FBRSL1: variants seen among roughly 807,000 people sequenced by gnomAD.
FBRSL1 encodes the protein fibrosin like 1, also known as fibrosin-1-like protein.
Under a neutral mutation model 89.6 loss-of-function variants are expected in FBRSL1, and 51 were observed. That is an observed-to-expected ratio of 0.57 (90% CI 0.45 to 0.72). The LOEUF (loss-of-function observed/expected upper bound fraction) is 0.72, where lower values mean the gene tolerates loss of function less well. FBRSL1 is among the 30% of genes least tolerant of loss of function. The pLI, the probability that FBRSL1 is intolerant of heterozygous loss-of-function variation, is 0.00. For missense variants in FBRSL1, 1,618 were observed against 1,451.8 expected (o/e 1.11, Z -1.86); for synonymous variants, 779 against 681.1 (o/e 1.14, Z -2.24).
At chr12:132,579,034 A>T (rs369438548) in intron 15 of FBRSL1, among the ~76,000 whole-genome samples, 2 of 147,370 alleles carry the variant, frequency 1.4e-5, no homozygotes, top group African/African-American at 5.0e-5. Context: ...CGCCCCACCG[A>T]CCCTGCTCCT....
In FBRSL1 at chr12:132,570,431, G is replaced by C; in HGVS notation, c.1104G>C (p.Arg368=). The change falls in exon 8 of 19, where the codon CGG becomes CGC. Residue 368 remains arginine (R), a synonymous_variant. Coordinates refer to ENST00000680143, the MANE Select transcript of FBRSL1 (RefSeq NM_001367871.1). ...TGTCTACCTCACACCTGGCGCTCCG[G>C]TCCCAGGCGCAGCACCAGCTCCACG... ...PHLSTSHLAL[R]SQAQHQLHAA... 6.5e-7 allele frequency: 1 copy of C among 1,534,866 alleles called. No homozygotes were observed. The highest frequency in any genetic ancestry group is 8.7e-7 in the Non-Finnish European group (1 of 1,145,772).
intron 9 of FBRSL1, 43 bp from the exon 10 acceptor site, chr12:132,572,245 T>C (rs890123184): frequency 1.3e-6 from 2 of 1,534,244 alleles, no homozygotes; most frequent in East Asian, 4.9e-5. Flanking sequence ...CCAGCAACGG[T>C]GTCGTGTGTG....
Position 132,542,246 on chromosome 12 carries a change from C to T in FBRSL1, c.616-5757C>T, listed in dbSNP as rs144625832. On this transcript the variant is annotated intron_variant, in intron 4 of 18. Transcript: ENST00000680143. ...ATCCCCGGGCACCTGGGTGGGCACG[C>T]GAGGCTCAACAGGGCCCCACGGAGG... Among the ~76,000 whole-genome samples, 59 of 152,274 alleles carry T rather than the reference C, an allele frequency of 3.9e-4. No homozygotes were observed. In the East Asian group the frequency reaches 5.4e-3, roughly 14 times the overall value.
intron 14 of FBRSL1, 122 bp downstream of exon 14, chr12:132,574,686 G>A (rs367846633): frequency 2.6e-5 from 32 of 1,247,280 alleles, no homozygotes; most frequent in South Asian, 7.7e-5. Flanking sequence ...ATCCTCACGC[G>A]TGAGCCGCCT....
chr12:132,559,023 G>A (rs1009901700), intron 5 of FBRSL1, among the ~76,000 whole-genome samples: 2 of 152,268 alleles, frequency 1.3e-5, no homozygotes, highest in African/African-American at 4.8e-5. Flanking sequence ...TTCCACCTGA[G>A]TGGGCGCTGG....
chr12:132,532,579 C>T (rs955653354), intron 4 of FBRSL1, among the ~76,000 whole-genome samples: 9 of 152,212 alleles, frequency 5.9e-5, no homozygotes, highest in Admixed American at 3.3e-4. Flanking sequence ...TGGAGAAATC[C>T]GTCCCCTTGC....
chr12:132,576,246 G>A (rs2040375852), intron 14 of FBRSL1, among the ~76,000 whole-genome samples: 1 of 143,948 alleles, frequency 6.9e-6, no homozygotes, highest in South Asian at 2.2e-4. Context: ...AGGCTAGAGT[G>A]CAGTGGCATG....
At chr12:132,508,381 T>G (rs781653512) in intron 2 of FBRSL1, 31 bp downstream of exon 2, 3 of 1,400,060 alleles carry the variant, frequency 2.1e-6, no homozygotes, top group Non-Finnish European at 2.9e-6. Context: ...CCGGAAGCTC[T>G]GCGGCGGGTC....
At chr12:132,536,162 G>T (rs1593388083) in intron 4 of FBRSL1, among the ~76,000 whole-genome samples, 2 of 61,326 alleles carry the variant, frequency 3.3e-5, no homozygotes, top group East Asian at 7.8e-4. Context: ...ACGTGTGCAT[G>T]ACTGTGTACA....
At chr12:132,532,833 G>C (rs538759996) in intron 4 of FBRSL1, among the ~76,000 whole-genome samples, 1 of 152,340 alleles carries the variant, frequency 6.6e-6, no homozygotes, top group South Asian at 2.1e-4. Flanking sequence ...TTGGGGGCAT[G>C]CCTGGGACAG....
chr12:132,561,251 G>T lies in FBRSL1; in HGVS notation c.646-6230G>T, dbSNP rs533585117. Among the ~76,000 whole-genome samples the T allele has an allele frequency of 1.4e-4, 21 of 152,346 alleles. 1 individual carries two copies. The highest frequency in any genetic ancestry group is 3.8e-4 in the African/African-American group (16 of 41,594). ...TCTGCTAAGTGTAGGGCCCACTGTG[G>T]CGTGACCAGAATGGGTGCTGGATGG... On this transcript the variant is annotated intron_variant, in intron 5 of 18. Coordinates refer to ENST00000680143, the MANE Select transcript of FBRSL1 (RefSeq NM_001367871.1).
intron 5 of FBRSL1, among the ~76,000 whole-genome samples, chr12:132,566,964 G>T (rs2039670913): frequency 1.3e-5 from 2 of 152,246 alleles, no homozygotes; most frequent in Admixed American, 6.5e-5. Context: ...CTGCAGCCTT[G>T]CGGACCCACA....
At position 132,572,153 on chromosome 12, in the gene FBRSL1, G is replaced by T. The variant is rs1341297103; in HGVS notation, c.1378-135G>T. On this transcript the variant is annotated intron_variant, in intron 9 of 18. Transcript: ENST00000680143. The stretch of plus-strand genomic sequence containing the variant: ...CTGGCGCTCTAGAGGAGCCTGGGAC[G>T]GCTGGCCGAAGCCGCCAGCCTCAGG... 7 of 737,538 alleles carry T rather than the reference G, an allele frequency of 9.5e-6. No individual in the cohort carries two copies. In the East Asian group the frequency reaches 1.4e-4, roughly 14 times the overall value. The allele number at this position is 737,538 out of a possible 1,614,324, so 45.7% of individuals were successfully genotyped here. A position where few individuals can be genotyped will look rare whatever the true frequency, so the allele number is the denominator to read the frequency against.
chr12:132,559,947 G>A (rs1320367651), intron 5 of FBRSL1: 1 of 147,956 alleles, frequency 6.8e-6, no homozygotes, highest in South Asian at 1.9e-4. Context: ...CCCCGCCCGC[G>A]CTCCCGCCTC....
chr12:132,579,960 G>A (rs554454878), intron 15 of FBRSL1, among the ~76,000 whole-genome samples: 3 of 152,152 alleles, frequency 2.0e-5, no homozygotes, highest in Non-Finnish European at 4.4e-5. Context: ...GGCAGGCTCC[G>A]TAGCTGTCGG....
At chr12:132,553,327 C>G (rs561962280) in intron 5 of FBRSL1, 2 of 152,430 alleles carry the variant, frequency 1.3e-5, no homozygotes, top group South Asian at 4.1e-4. Flanking sequence ...TGCACTTTGA[C>G]CTGGGACTGC....
chr12:132,581,382 G>C, intron 15 of FBRSL1, 57 bp from the exon 16 acceptor site: 2 of 1,550,588 alleles, frequency 1.3e-6, no homozygotes, highest in South Asian at 2.4e-5. Context: ...CAGAGCTGCA[G>C]ATGGGAGGCC....
At chr12:132,524,667 C>T (rs547476733) in intron 2 of FBRSL1, among the ~76,000 whole-genome samples, 3 of 152,278 alleles carry the variant, frequency 2.0e-5, no homozygotes, top group Non-Finnish European at 4.4e-5. Context: ...TGTGCTGGGG[C>T]GTGTCACTAC....
At chr12:132,557,300 A>G (rs2038759045) in intron 5 of FBRSL1, among the ~76,000 whole-genome samples, 1 of 152,236 alleles carries the variant, frequency 6.6e-6, no homozygotes, top group Non-Finnish European at 1.5e-5. Flanking sequence ...CTGATACTTA[A>G]TATCAGCCTG....
Sources: allele counts gnomAD v4.1 joint callset (sites outside exome capture counted in the v4.1 genomes callset), GRCh38; gene constraint gnomAD v4.1.1; transcripts MANE v1.5; gene names NCBI Gene and HGNC (gene_info 2026-07-23, HGNC 2026-07-21).